CREBBP: variants seen among roughly 807,000 people sequenced by gnomAD.
CREBBP encodes CREB binding lysine acetyltransferase, also known as CREB-binding protein.
In CREBBP, 19 loss-of-function variants were observed where a neutral mutation model predicts 265.0. The ratio of observed to expected loss-of-function variants is 0.07; its 90% confidence interval spans 0.05 to 0.11. CREBBP has a LOEUF of 0.11. Ranked by LOEUF, CREBBP falls within the 10% of genes least tolerant of loss-of-function variation. The pLI, the probability that CREBBP is intolerant of heterozygous loss-of-function variation, is 1.00. For missense variants in CREBBP, 2,525 were observed against 3,219.0 expected, an observed-to-expected ratio of 0.78 and a Z score of 5.22; for synonymous variants, 1,457 against 1,223.7, an observed-to-expected ratio of 1.19 and a Z score of -3.98.
At chr16:3,809,256 C>A (rs1170377488) in intron 3 of CREBBP, among the ~76,000 whole-genome samples, 1 of 152,032 alleles carries the variant, frequency 6.6e-6, no homozygotes, top group Non-Finnish European at 1.5e-5. Context: ...CCGCTCACTG[C>A]AACCTCCACC....
chr16:3,780,589 T>C (rs1052413859), intron 8 of CREBBP, 143 bp downstream of exon 8: 19 of 833,236 alleles, frequency 2.3e-5, no homozygotes, highest in Admixed American at 1.9e-4. Flanking sequence ...TGCCTAGGGC[T>C]GCCAGAACTC....
chr16:3,858,781 C>T (rs752563465), intron 1 of CREBBP, among the ~76,000 whole-genome samples: 2 of 152,154 alleles, frequency 1.3e-5, no homozygotes, highest in Admixed American at 6.5e-5. Context: ...TCCTATTGCC[C>T]TCTTTACCTT....
Position 3,744,957 on chromosome 16 carries a change from C to A in CREBBP, c.3919G>T (p.Val1307Leu), listed in dbSNP as rs751602717. The A allele has an allele frequency of 1.2e-6, 2 of 1,611,486 alleles. No individual in the cohort carries two copies. Among genetic ancestry groups the A allele is most frequent in the East Asian group, 4.5e-5 (2 of 44,882 alleles). Residue 1307 changes from valine to leucine, a missense_variant, in exon 23 of 31, where the codon GTG (valine) becomes TTG (leucine). Transcript: ENST00000262367. ...GTTTTCTTCAAGCAGTTGTCGCACA[C>A]AAAACTGCAAAATAATAGTGGTATG... ...HYDIIWPSGF[V>L]CDNCLKKTGR...
rs924034693 is a variant in CREBBP at position 3,776,848 on chromosome 16, T to TA, written c.2158+764dup. ...TAACATGGTGAAACCCCATCTCTAC[T>TA]AAAAAAAAAGATACAAAAAATTAGC... On this transcript the variant is annotated intron_variant, in intron 11 of 30. Transcript: ENST00000262367. 2.1e-4 allele frequency among the ~76,000 whole-genome samples: 31 copies of TA among 149,258 alleles called. No homozygotes were observed. The South Asian group carries it at 3.6e-3, about 17-fold the overall frequency.
chr16:3,862,021 T>G (rs1490492879), intron 1 of CREBBP, among the ~76,000 whole-genome samples: 1 of 152,110 alleles, frequency 6.6e-6, no homozygotes, highest in East Asian at 1.9e-4. Context: ...GAGTCACTGC[T>G]CAGGGGCCCT....
At chr16:3,853,396 G>A (rs1187551374) in intron 1 of CREBBP, among the ~76,000 whole-genome samples, 7 of 148,574 alleles carry the variant, frequency 4.7e-5, no homozygotes, top group Non-Finnish European at 7.5e-5. Context: ...GGATCACGAG[G>A]TCAGGAGATT....
intron 2 of CREBBP, among the ~76,000 whole-genome samples, chr16:3,845,535 A>C (rs1049640497): frequency 6.6e-6 from 1 of 152,146 alleles, no homozygotes; most frequent in African/African-American, 2.4e-5. Context: ...TAACAAGAAA[A>C]AATATATACT....
rs188841907 is a variant in CREBBP at position 3,864,729 on chromosome 16, C to G, written c.86-13720G>C. On this transcript the variant is annotated intron_variant, in intron 1 of 30. Transcript: ENST00000262367. Reference sequence around the variant, plus strand: ...GCACAACATGATGGAGAATCACAAGCTGAAGAACAACCTTAGTGTTACTCA... The same window carrying G: ...GCACAACATGATGGAGAATCACAAGGTGAAGAACAACCTTAGTGTTACTCA... Among the ~76,000 whole-genome samples, 230 of 152,280 alleles carry G rather than the reference C, an allele frequency of 1.5e-3. 5 individuals carry two copies. Among genetic ancestry groups the G allele is most frequent in the Admixed American group, 0.014 (211 of 15,298 alleles).
In CREBBP at chr16:3,726,333, A is replaced by G. The variant is rs144692279; in HGVS notation, c.*1385T>C. 798 of 233,206 alleles carry G rather than the reference A, an allele frequency of 3.4e-3. 4 individuals are homozygous for G. Among genetic ancestry groups the G allele is most frequent in the African/African-American group, 0.016 (740 of 45,374 alleles). The allele number at this position is 233,206 out of a possible 1,614,324, so 14.4% of individuals were successfully genotyped here. ...GAGGATGGAGGAGTGGGCCAAATGC[A>G]GTTTCAGACCAACTGACGACCCTAA... On this transcript the variant is annotated 3_prime_UTR_variant, in exon 31 of 31. Coordinates refer to ENST00000262367, the MANE Select transcript of CREBBP (RefSeq NM_004380.3).
Position 3,758,854 on chromosome 16 carries a change from T to A in CREBBP, c.3369A>T (p.Pro1123=). Reference sequence around the variant, plus strand: ...AATCTATTTTTATGAATTAACTTACTGGAATTCCGAGGAGCTGGGGATCTA... The same window carrying A: ...AATCTATTTTTATGAATTAACTTACAGGAATTCCGAGGAGCTGGGGATCTA... The part of the protein sequence containing the change: ...QPVDPQLLGI[P]DYFDIVKNPM... Residue 1123 remains proline (P), a splice_region_variant and synonymous_variant, in exon 17 of 31, where the codon CCA becomes CCT. Coordinates refer to ENST00000262367, the MANE Select transcript of CREBBP (RefSeq NM_004380.3). The A allele has an allele frequency of 1.9e-6, 3 of 1,605,328 alleles. No homozygotes were observed. Among genetic ancestry groups the A allele is most frequent in the Non-Finnish European group, 2.6e-6 (3 of 1,173,414 alleles).
chr16:3,856,102 T>C (rs1174630680), intron 1 of CREBBP, among the ~76,000 whole-genome samples: 1 of 151,978 alleles, frequency 6.6e-6, no homozygotes, highest in African/African-American at 2.4e-5. Context: ...AAAAAGAAAA[T>C]ATGTACCCCC....
At chr16:3,740,344 G>A (rs2151339469) in intron 24 of CREBBP, 55 bp downstream of exon 24, 1 of 1,606,836 alleles carries the variant, frequency 6.2e-7, no homozygotes, top group Non-Finnish European at 8.5e-7. Context: ...AGCAGGCTCT[G>A]GCAAGCGGGC....
At chr16:3,801,544 C>G (rs112702227) in intron 3 of CREBBP, among the ~76,000 whole-genome samples, 6,315 of 152,146 alleles carry the variant, frequency 0.042, 428 homozygotes, top group African/African-American at 0.14. Flanking sequence ...GTGGCGCACA[C>G]CTGTAATCCC....
intron 16 of CREBBP, chr16:3,761,576 G>A (rs1412880521): frequency 3.9e-6 from 2 of 518,440 alleles, no homozygotes; most frequent in African/African-American, 1.9e-5. Flanking sequence ...ACAGACTCTT[G>A]ACCAACCTCC....
intron 11 of CREBBP, 58 bp from the exon 12 acceptor site, chr16:3,774,751 C>G (rs1403206698): frequency 1.2e-6 from 2 of 1,609,088 alleles, no homozygotes; most frequent in Non-Finnish European, 8.5e-7. Flanking sequence ...AACAGAATTA[C>G]AACTTGCTAA....
intron 2 of CREBBP, among the ~76,000 whole-genome samples, chr16:3,821,072 G>A (rs2054132810): frequency 6.6e-6 from 1 of 152,178 alleles, no homozygotes; most frequent in South Asian, 2.1e-4. Flanking sequence ...TTCTAATCCT[G>A]TTTCTGCCCC....
At position 3,726,067 on chromosome 16, in the gene CREBBP, C is replaced by G. The variant is rs2051734631; in HGVS notation, c.*1651G>C. 8.6e-6 allele frequency: 2 copies of G among 233,300 alleles called. No homozygotes were observed. Among genetic ancestry groups the G allele is most frequent in the East Asian group, 1.2e-4 (2 of 16,582 alleles). The allele number at this position is 233,300 out of a possible 1,614,324, so 14.5% of individuals were successfully genotyped here. On this transcript the variant is annotated 3_prime_UTR_variant, in exon 31 of 31. Coordinates refer to ENST00000262367, the MANE Select transcript of CREBBP (RefSeq NM_004380.3). ...TGCAAGTATCCCCCGAAGTGGGGGA[C>G]CTTTCTCACTGTAACAGGGACCGGA...
chr16:3,774,668 G>C lies in CREBBP; in HGVS notation c.2184C>G (p.Ser728=), dbSNP rs768809546. 6.2e-6 allele frequency: 10 copies of C among 1,614,076 alleles called. 1 individual carries two copies. In the South Asian group the frequency reaches 7.7e-5, roughly 12 times the overall value. ...CTTGTGGCAACTGGACGTTCCCCAAGGACATGGGGTTAAATGAATTCATCC... is the reference window on the plus strand; with the variant it reads ...CTTGTGGCAACTGGACGTTCCCCAACGACATGGGGTTAAATGAATTCATCC... The part of the protein sequence containing the change: ...SQGMNSFNPM[S]LGNVQLPQAP... The change falls in exon 12 of 31, where the codon TCC becomes TCG. Residue 728 remains serine, a synonymous_variant. Coordinates refer to ENST00000262367, the MANE Select transcript of CREBBP (RefSeq NM_004380.3).
rs539199707 is a variant in CREBBP, at chr16:3,845,145, C to T, written c.798+5152G>A. ...TCTCAACCCTGGCTGCCATGAAAGT[C>T]ATCTGAGGAACTACACACTATACGA... On this transcript the variant is annotated intron_variant, in intron 2 of 30. Coordinates refer to ENST00000262367, the MANE Select transcript of CREBBP (RefSeq NM_004380.3). Among the ~76,000 whole-genome samples the T allele has an allele frequency of 8.5e-5, 13 of 152,314 alleles. 1 individual carries two copies. In the East Asian group the frequency reaches 1.3e-3, roughly 16 times the overall value.
Sources: gnomAD v4.1 joint callset for allele counts (sites outside exome capture counted in the v4.1 genomes callset) on GRCh38, gnomAD v4.1.1 for gene constraint, MANE v1.5 for transcripts, NCBI Gene and HGNC (gene_info 2026-07-23, HGNC 2026-07-21) for gene names.